The following NCALD variants were observed in gnomAD, a reference collection of about 807,000 sequenced individuals.
The protein encoded by NCALD is neurocalcin delta, also known as neurocalcin-delta.
In NCALD, 10 loss-of-function variants were observed where a neutral mutation model predicts 18.6. The ratio of observed to expected loss-of-function variants is 0.54; its 90% CI spans 0.33 to 0.91. The LOEUF (loss-of-function observed/expected upper bound fraction) is 0.91, where lower values mean the gene tolerates loss of function less well. Ranked by LOEUF, NCALD falls within the 40% of genes least tolerant of loss-of-function variation. NCALD has a pLI of 0.03. For missense variants in NCALD, 184 were observed against 247.6 expected (o/e 0.74, Z 1.72); for synonymous variants, 88 against 87.4 (o/e 1.01, Z -0.04).
intron 1 of NCALD, among the ~76,000 whole-genome samples, chr8:101,754,270 C>T (rs1810780694): frequency 6.6e-6 from 1 of 152,150 alleles, no homozygotes; most frequent in African/African-American, 2.4e-5. Flanking sequence ...TTGGATGTTT[C>T]CTATACAAAA....
intron 2 of NCALD, among the ~76,000 whole-genome samples, chr8:101,718,846 T>C (rs115615336): frequency 0.013 from 1,987 of 152,330 alleles, 39 homozygotes; most frequent in African/African-American, 0.044. Flanking sequence ...ATTTTACATC[T>C]GATAAGAAAC....
chr8:102,022,647 C>A (rs564156330), intron 1 of NCALD, among the ~76,000 whole-genome samples: 1 of 152,144 alleles, frequency 6.6e-6, no homozygotes, highest in African/African-American at 2.4e-5. Context: ...CCAGCAGGAG[C>A]AAAGCAAAGG....
At chr8:101,701,961 C>A (rs568627031) in intron 2 of NCALD, among the ~76,000 whole-genome samples, 1 of 152,270 alleles carries the variant, frequency 6.6e-6, no homozygotes, top group African/African-American at 2.4e-5. Context: ...AGCATAAGTA[C>A]TTTCTCATTT....
At chr8:102,006,106 A>C in intron 2 of NCALD, among the ~76,000 whole-genome samples, 1 of 152,102 alleles carries the variant, frequency 6.6e-6, no homozygotes, top group East Asian at 1.9e-4. Flanking sequence ...AAGGTAGTAT[A>C]TGTCGCTCTC....
intron 3 of NCALD, among the ~76,000 whole-genome samples, chr8:101,890,590 T>C (rs145160566): frequency 5.9e-5 from 9 of 152,350 alleles, no homozygotes; most frequent in Non-Finnish European, 1.0e-4. Context: ...GGGAGTGCCC[T>C]CTTGCCCCTC....
chr8:101,940,678 C>T (rs1027006024), intron 2 of NCALD, among the ~76,000 whole-genome samples: 2 of 152,048 alleles, frequency 1.3e-5, no homozygotes, highest in Non-Finnish European at 2.9e-5. Context: ...CAACCTAAAC[C>T]CAGAAGGAGA....
chr8:101,706,479 T>C (rs1448018085), intron 2 of NCALD, among the ~76,000 whole-genome samples: 1 of 152,186 alleles, frequency 6.6e-6, no homozygotes, highest in African/African-American at 2.4e-5. Flanking sequence ...TCCATAAAAT[T>C]GGGCTAATAT....
At chr8:101,853,039 C>T (rs1471205274) in intron 4 of NCALD, among the ~76,000 whole-genome samples, 1 of 152,152 alleles carries the variant, frequency 6.6e-6, no homozygotes, top group African/African-American at 2.4e-5. Context: ...ATTTTAGAGC[C>T]AGACTGCCCA....
intron 4 of NCALD, among the ~76,000 whole-genome samples, chr8:101,812,862 T>C (rs1395360935): frequency 6.6e-6 from 1 of 152,138 alleles, no homozygotes; most frequent in Non-Finnish European, 1.5e-5. Context: ...CCTAAGCCAG[T>C]TTGAGTGGGT....
At chr8:102,084,917 T>A (rs78856654) in intron 1 of NCALD, among the ~76,000 whole-genome samples, 9,343 of 152,240 alleles carry the variant, frequency 0.061, 426 homozygotes, top group Non-Finnish European at 0.093. Context: ...GTTGGGTTGG[T>A]GGGGTGGGAA....
At chr8:101,747,151 C>T (rs1483401533) in intron 1 of NCALD, among the ~76,000 whole-genome samples, 1 of 151,096 alleles carries the variant, frequency 6.6e-6, no homozygotes, top group Non-Finnish European at 1.5e-5. Context: ...CAGCTCTTTT[C>T]CTGCCCCACA....
intron 1 of NCALD, among the ~76,000 whole-genome samples, chr8:102,093,240 G>C (rs112071094): frequency 5.3e-5 from 8 of 152,220 alleles, no homozygotes; most frequent in African/African-American, 1.7e-4. Context: ...ACTATCCTAG[G>C]TGCTCTACAA....
At chr8:102,055,050 T>A (rs1261037091) in intron 1 of NCALD, among the ~76,000 whole-genome samples, 1 of 151,510 alleles carries the variant, frequency 6.6e-6, no homozygotes, top group Non-Finnish European at 1.5e-5. Context: ...GAGCAATCTG[T>A]CAATATCCAG....
chr8:102,122,387 A>T (rs1334304752), intron 1 of NCALD, among the ~76,000 whole-genome samples: 1 of 152,234 alleles, frequency 6.6e-6, no homozygotes, highest in African/African-American at 2.4e-5. Context: ...TGACTGGCTT[A>T]GATTTTTGTT....
chr8:101,753,723 C>T (rs1404141104), intron 1 of NCALD, among the ~76,000 whole-genome samples: 5 of 152,052 alleles, frequency 3.3e-5, no homozygotes, highest in East Asian at 1.9e-4. Context: ...GCGTCTAGTG[C>T]GTGGTGTGGT....
intron 2 of NCALD, among the ~76,000 whole-genome samples, chr8:101,940,270 T>C (rs114997124): frequency 0.021 from 3,177 of 152,174 alleles, 111 homozygotes; most frequent in African/African-American, 0.066. Context: ...TAGGTGGCAA[T>C]AGGAAGAAAC....
chr8:102,082,224 C>CTTTTTTTTTTTGT (rs1362023921), intron 1 of NCALD, among the ~76,000 whole-genome samples: 1 of 109,406 alleles, frequency 9.1e-6, no homozygotes, highest in Non-Finnish European at 1.9e-5. Context: ...GAGAAGCTCT[C>CTTTTTTTTTTTGT]TCTTTTTTTT....
At chr8:101,759,994 C>T (rs143877184) in intron 1 of NCALD, among the ~76,000 whole-genome samples, 1 of 152,114 alleles carries the variant, frequency 6.6e-6, no homozygotes, top group Non-Finnish European at 1.5e-5. Context: ...CCACACCAGA[C>T]CCCAAGGGGT....
At chr8:101,706,215 G>A (rs1018114338) in intron 2 of NCALD, among the ~76,000 whole-genome samples, 3 of 152,084 alleles carry the variant, frequency 2.0e-5, no homozygotes, top group Non-Finnish European at 4.4e-5. Context: ...TACCAAAGAG[G>A]CAAATTTAAT....
Sources: gnomAD v4.1 joint callset for allele counts (sites outside exome capture counted in the v4.1 genomes callset) on GRCh38, gnomAD v4.1.1 for gene constraint, MANE v1.5 for transcripts, NCBI Gene and HGNC (gene_info 2026-07-23, HGNC 2026-07-21) for gene names.